Variants in RAD52 observed in about 807,000 individuals in gnomAD.
RAD52 encodes DNA repair protein RAD52 homolog.
A neutral mutation model predicts 55.5 loss-of-function variants in RAD52; 47 were observed. The observed-to-expected ratio is 0.85, with a 90% CI of 0.67 to 1.08. The LOEUF (loss-of-function observed/expected upper bound fraction) is 1.08, where lower values mean the gene tolerates loss of function less well. Among genes scored for constraint, RAD52 ranks in the 50% least tolerant of loss-of-function variants. RAD52 has a pLI of 0.00. For missense variants in RAD52, 468 were observed against 522.8 expected, an observed-to-expected ratio of 0.90 and a Z score of 1.02; for synonymous variants, 184 against 198.9, an observed-to-expected ratio of 0.92 and a Z score of 0.63.
intron 1 of RAD52, among the ~76,000 whole-genome samples, chr12:945,840 T>G (rs979308800): frequency 6.6e-6 from 1 of 151,298 alleles, no homozygotes; most frequent in East Asian, 2.0e-4. Context: ...CCGGCCAACA[T>G]GGTGAAACTC....
intron 1 of RAD52, among the ~76,000 whole-genome samples, chr12:988,298 G>A (rs1321640891): frequency 6.6e-6 from 1 of 152,098 alleles, no homozygotes; most frequent in African/African-American, 2.4e-5. Flanking sequence ...ACCTTGGATT[G>A]TTACTTCATC....
chr12:978,522 C>T (rs974797135), intron 1 of RAD52, among the ~76,000 whole-genome samples: 2 of 151,816 alleles, frequency 1.3e-5, no homozygotes, highest in Non-Finnish European at 2.9e-5. Context: ...ATAAACTGGC[C>T]GGGTGAGGTG....
At chr12:960,873 G>GA (rs1486102225) in intron 1 of RAD52, among the ~76,000 whole-genome samples, 4 of 152,124 alleles carry the variant, frequency 2.6e-5, no homozygotes, top group Non-Finnish European at 5.9e-5. Context: ...AGCAGAGCTA[G>GA]AAATATACAT....
chr12:969,289 G>A (rs1411772496), intron 1 of RAD52, among the ~76,000 whole-genome samples: 1 of 151,940 alleles, frequency 6.6e-6, no homozygotes, highest in African/African-American at 2.4e-5. Flanking sequence ...AGGAACACCA[G>A]TCAAAGAATT....
chr12:934,730 G>A (rs779376246), intron 1 of RAD52, among the ~76,000 whole-genome samples: 1 of 151,994 alleles, frequency 6.6e-6, no homozygotes, highest in East Asian at 1.9e-4. Flanking sequence ...TCATCACATT[G>A]TACACCCTAA....
upstream of RAD52, among the ~76,000 whole-genome samples, chr12:954,558 C>T (rs965557391): frequency 1.3e-5 from 2 of 152,132 alleles, no homozygotes; most frequent in Admixed American, 1.3e-4. Flanking sequence ...TGCTTGAACC[C>T]GGGTGGTGGA....
chr12:949,992 C>T (rs1958479105), upstream of RAD52, among the ~76,000 whole-genome samples: 1 of 152,214 alleles, frequency 6.6e-6, no homozygotes, highest in Admixed American at 6.5e-5. Flanking sequence ...GCGGTTTCGT[C>T]AGGCCTTCAG....
At chr12:918,218 G>T (rs1956514245) in intron 7 of RAD52, among the ~76,000 whole-genome samples, 1 of 152,082 alleles carries the variant, frequency 6.6e-6, no homozygotes, top group Non-Finnish European at 1.5e-5. Context: ...ACTAAGAAAA[G>T]ACTAGAAAAA....
intron 1 of RAD52, among the ~76,000 whole-genome samples, chr12:959,104 T>A (rs1317721752): frequency 2.0e-5 from 3 of 152,302 alleles, no homozygotes; most frequent in Admixed American, 1.3e-4. Context: ...AGAATAATGC[T>A]AAGATTAACT....
chr12:969,236 T>C (rs1044837747), intron 1 of RAD52, among the ~76,000 whole-genome samples: 1 of 151,910 alleles, frequency 6.6e-6, no homozygotes, highest in African/African-American at 2.4e-5. Flanking sequence ...CTGGAACCAA[T>C]CCACCACAGA....
At chr12:937,254 G>C (rs928579643) in intron 1 of RAD52, among the ~76,000 whole-genome samples, 1 of 152,082 alleles carries the variant, frequency 6.6e-6, no homozygotes, top group Non-Finnish European at 1.5e-5. Flanking sequence ...CCCTTGAACT[G>C]ACTTAATCTT....
At chr12:980,098 G>A (rs1052714959) in intron 1 of RAD52, among the ~76,000 whole-genome samples, 3 of 151,934 alleles carry the variant, frequency 2.0e-5, no homozygotes, top group Non-Finnish European at 2.9e-5. Flanking sequence ...CTAAGGCCAG[G>A]AAAATTGCTT....
Position 914,543 on chromosome 12 carries a change from C to G in RAD52, c.866-11G>C, listed in dbSNP as rs201323764. ...GGGCCGGAGGCGCTGCTACGGTTCACAGAGGAGAGAAAGGACAAGTCATCA... is the reference window on the plus strand; with the variant it reads ...GGGCCGGAGGCGCTGCTACGGTTCAGAGAGGAGAGAAAGGACAAGTCATCA... On this transcript the variant is annotated splice_polypyrimidine_tract_variant and intron_variant, in intron 9 of 11. Coordinates refer to ENST00000358495, the MANE Select transcript of RAD52 (RefSeq NM_134424.4). The G allele has an allele frequency of 2.3e-4, 367 of 1,612,804 alleles. No individual in the cohort carries two copies. The African/African-American group carries it at 4.5e-3, about 20-fold the overall frequency.
rs114236472 is a variant in RAD52 at position 971,013 on chromosome 12, T to C, written c.-19+18796A>G. ...GTATGTATATAGAAGTGGATTTATG[T>C]GCATATGTCACCATTTTTTTCCATG... On this transcript the variant is annotated intron_variant, in intron 1 of 11. Coordinates refer to the RAD52 transcript ENST00000430095. Among the ~76,000 whole-genome samples the C allele has an allele frequency of 3.6e-3, 545 of 152,342 alleles. 5 individuals are homozygous for C. Among genetic ancestry groups the C allele is most frequent in the African/African-American group, 0.012 (508 of 41,578 alleles).
intron 1 of RAD52, among the ~76,000 whole-genome samples, chr12:959,622 G>T (rs1402976990): frequency 1.3e-5 from 2 of 152,246 alleles, no homozygotes; most frequent in Non-Finnish European, 2.9e-5. Context: ...TCAGCAGACA[G>T]TGGTTCATGA....
Position 913,450 on chromosome 12 carries a change from T to C in RAD52, c.1198A>G (p.Asn400Asp). 1 of 1,600,932 alleles carries C rather than the reference T, an allele frequency of 6.2e-7. No homozygotes were observed. The highest frequency in any genetic ancestry group is 8.6e-7 in the Non-Finnish European group (1 of 1,168,492). The change falls in exon 12 of 12, where the codon AAC becomes GAC. Residue 400 changes from asparagine to aspartate, a missense_variant and splice_region_variant. Coordinates refer to ENST00000358495, the MANE Select transcript of RAD52 (RefSeq NM_134424.4). Reference protein sequence around the residue: ...TYSADQRTTGNWESHRKSQDM... With the variant: ...TYSADQRTTGDWESHRKSQDM... The stretch of plus-strand genomic sequence containing the variant: ...TGGCTCTTCCTATGAGATTCCCAGT[T>C]TCCTATGGAAGACAAAATGGCTTAA...
chr12:921,052 T>C (rs1199645129), intron 7 of RAD52, among the ~76,000 whole-genome samples: 1 of 151,678 alleles, frequency 6.6e-6, no homozygotes, highest in Non-Finnish European at 1.5e-5. Context: ...TCAAAGGAAA[T>C]GTAACAAGCC....
intron 2 of RAD52, 50 bp from the exon 3 acceptor site, chr12:931,371 A>G: frequency 2.2e-6 from 3 of 1,341,640 alleles, no homozygotes; most frequent in Non-Finnish European, 3.1e-6. Context: ...CATTCCTCAC[A>G]TCATTGAGTC....
In RAD52 at chr12:982,716, A is replaced by T. The variant is rs933976736; in HGVS notation, c.-19+7093T>A. On this transcript the variant is annotated intron_variant, in intron 1 of 11. Coordinates refer to the RAD52 transcript ENST00000430095. ...GGTCTTGTTCTGTCACATAGGCTGG[A>T]GCGCAGTGGTGGGATCACGGCTCAT... Among the ~76,000 whole-genome samples, 9 of 124,690 alleles carry T rather than the reference A, an allele frequency of 7.2e-5. No homozygotes were observed. In the East Asian group the frequency reaches 1.7e-3, roughly 23 times the overall value. 81.8% of individuals were successfully genotyped at this position (124,690 alleles called of 152,430 possible).
Sources: gnomAD v4.1 joint callset for allele counts (sites outside exome capture counted in the v4.1 genomes callset) on GRCh38, gnomAD v4.1.1 for gene constraint, MANE v1.5 for transcripts, NCBI Gene and HGNC (gene_info 2026-07-23, HGNC 2026-07-21) for gene names.